The following RCN2 variants were observed in gnomAD, a reference collection of about 807,000 sequenced individuals.
RCN2 encodes the protein reticulocalbin-2.
Under a neutral mutation model 37.5 loss-of-function variants are expected in RCN2, and 23 were observed. The ratio of observed to expected loss-of-function variants is 0.61; its 90% CI spans 0.44 to 0.87. The LOEUF (loss-of-function observed/expected upper bound fraction) is 0.87. Among genes scored for constraint, RCN2 ranks in the 40% least tolerant of loss-of-function variants. The probability of loss-of-function intolerance (pLI) is 0.00; values close to 1 mark genes in which losing one functional copy is unlikely to be tolerated. For synonymous variants in RCN2, 140 were observed against 144.6 expected, an observed-to-expected ratio of 0.97 and a Z score of 0.23; for missense variants, 381 against 390.4, an observed-to-expected ratio of 0.98 and a Z score of 0.20.
At chr15:76,941,060 G>A (rs986194607) in intron 3 of RCN2, among the ~76,000 whole-genome samples, 2 of 152,028 alleles carry the variant, frequency 1.3e-5, no homozygotes, top group Non-Finnish European at 2.9e-5. Flanking sequence ...TTGAGACGGA[G>A]TCTTGCTCTG....
chr15:76,941,850 A>G, intron 3 of RCN2: 1 of 438,418 alleles, frequency 2.3e-6, no homozygotes, highest in East Asian at 3.3e-5. Flanking sequence ...TTCTCCTGAA[A>G]CATGGACCTT....
At chr15:76,938,005 A>G (rs1425128301) in intron 3 of RCN2, among the ~76,000 whole-genome samples, 1 of 152,232 alleles carries the variant, frequency 6.6e-6, no homozygotes, top group Non-Finnish European at 1.5e-5. Flanking sequence ...TACAGAGTAC[A>G]TGTGATATTT....
chr15:76,952,930 TTTTC>T lies in RCN2; in HGVS notation c.*3712_*3715del, dbSNP rs950503648. The T allele has an allele frequency of 2.0e-5, 3 of 149,066 alleles. No homozygotes were observed. Among genetic ancestry groups the T allele is most frequent in the African/African-American group, 7.5e-5 (3 of 40,116 alleles). The allele number at this position is 149,066 out of a possible 1,614,324, so 9.2% of individuals were successfully genotyped here. A position where few individuals can be genotyped will look rare whatever the true frequency, so the allele number is the denominator to read the frequency against. On this transcript the variant is annotated 3_prime_UTR_variant, in exon 7 of 7. Coordinates refer to ENST00000394885, the MANE Select transcript of RCN2 (RefSeq NM_002902.3). Reference sequence around the variant, plus strand: ...CACCGTGCCCAGCCTCCCATTCTAGTTTTCTTTTTCTTTCTTTTTTGAGACGGAG... The same window carrying T: ...CACCGTGCCCAGCCTCCCATTCTAGTTTTTTCTTTCTTTTTTGAGACGGAG...
chr15:76,935,042 C>T (rs1325256392), intron 2 of RCN2, among the ~76,000 whole-genome samples: 2 of 151,942 alleles, frequency 1.3e-5, no homozygotes, highest in South Asian at 2.1e-4. Flanking sequence ...ATGGAAGCTC[C>T]GGCCAGGCAT....
rs1462146831 is a variant in RCN2, at chr15:76,948,990, ACAAGT to A, written c.802-76_802-72del. The A allele has an allele frequency of 7.7e-6, 10 of 1,294,886 alleles. No homozygotes were observed. In the African/African-American group the frequency reaches 1.0e-4, roughly 14 times the overall value. 80.2% of individuals were successfully genotyped at this position (1,294,886 alleles called of 1,614,324 possible). On this transcript the variant is annotated intron_variant, in intron 6 of 6. Coordinates refer to ENST00000394885, the MANE Select transcript of RCN2 (RefSeq NM_002902.3). ...GTACTTGTACACCTGGATGATTTTG[ACAAGT>A]CAAATCACATTAAATTGTGAACATC...
At chr15:76,948,900 T>C (rs902036077) in intron 6 of RCN2, 170 bp from the exon 7 acceptor site, 25 of 646,118 alleles carry the variant, frequency 3.9e-5, no homozygotes, top group Non-Finnish European at 3.7e-5. Flanking sequence ...AAGGAGATAA[T>C]GGGAAAAGCA....
intron 3 of RCN2, chr15:76,941,429 C>A: frequency 2.5e-6 from 1 of 403,642 alleles, no homozygotes; most frequent in Non-Finnish European, 4.4e-6. Flanking sequence ...TATATTTCCT[C>A]ATGTAGAATC....
At chr15:76,946,069 A>G (rs1217452137) in intron 4 of RCN2, among the ~76,000 whole-genome samples, 3 of 152,258 alleles carry the variant, frequency 2.0e-5, no homozygotes, top group Non-Finnish European at 2.9e-5. Flanking sequence ...CCAGAGTTCT[A>G]TCTGGCAATT....
intron 3 of RCN2, chr15:76,941,787 C>T (rs554371273): frequency 2.1e-4 from 133 of 619,666 alleles, no homozygotes; most frequent in Non-Finnish European, 1.5e-5. Flanking sequence ...GAAATCTCAG[C>T]TTGTTGAAAG....
At chr15:76,947,384 T>C in intron 4 of RCN2, 37 bp from the exon 5 acceptor site, 1 of 1,369,876 alleles carries the variant, frequency 7.3e-7, no homozygotes, top group Non-Finnish European at 1.0e-6. Context: ...GAACATTTTG[T>C]AACTTTTTTT....
intron 3 of RCN2, among the ~76,000 whole-genome samples, chr15:76,940,290 C>A: frequency 6.7e-6 from 1 of 149,932 alleles, no homozygotes; most frequent in Non-Finnish European, 1.5e-5. Context: ...CATAGTGAAA[C>A]CTTGTCCCTT....
chr15:76,953,555 C>CTATT lies in RCN2; in HGVS notation c.*4336_*4337insTTAT, dbSNP rs2075331104. On this transcript the variant is annotated 3_prime_UTR_variant, in exon 7 of 7. Transcript: ENST00000394885. ...GGGATTGCTGGATCATATAGTAATTCTATATATATATATATATATATATAT... is the reference window on the plus strand; with the variant it reads ...GGGATTGCTGGATCATATAGTAATTCTATTTATATATATATATATATATATATAT... The CTATT allele has an allele frequency of 3.7e-5, 1 of 26,702 alleles. No homozygotes were observed. The highest frequency in any genetic ancestry group is 6.0e-5 in the Non-Finnish European group (1 of 16,804). 1.7% of individuals were successfully genotyped at this position (26,702 alleles called of 1,614,324 possible). A position where few individuals can be genotyped will look rare whatever the true frequency, so the allele number is the denominator to read the frequency against.
At position 76,931,808 on chromosome 15, in the gene RCN2, T is replaced by G; in HGVS notation, c.-34T>G. 8.3e-7 allele frequency: 1 copy of G among 1,200,022 alleles called. No individual in the cohort carries two copies. Among genetic ancestry groups the G allele is most frequent in the Non-Finnish European group, 1.0e-6 (1 of 967,998 alleles). 74.3% of individuals were successfully genotyped at this position (1,200,022 alleles called of 1,614,324 possible). Reference sequence around the variant, plus strand: ...CCCGGGCCCCCGCCAGCCTCCCTCCTCGCGTCCCTCGGTGTCCTCCGCGGG... The same window carrying G: ...CCCGGGCCCCCGCCAGCCTCCCTCCGCGCGTCCCTCGGTGTCCTCCGCGGG... On this transcript the variant is annotated 5_prime_UTR_variant, in exon 1 of 7. Coordinates refer to ENST00000394885, the MANE Select transcript of RCN2 (RefSeq NM_002902.3).
chr15:76,935,662 T>A lies in RCN2; in HGVS notation c.387T>A (p.Arg129=), dbSNP rs2075244124. Residue 129 remains arginine, a synonymous_variant, in exon 3 of 7, where the codon CGT becomes CGA. Coordinates refer to ENST00000394885, the MANE Select transcript of RCN2 (RefSeq NM_002902.3). ...AATATAACATTCAGATGTATGATCG[T>A]GTGATTGACTTTGATGAGAACACTG... The part of the protein sequence containing the change: ...WDEYNIQMYD[R]VIDFDENTAL... 4 of 1,613,982 alleles carry A rather than the reference T, an allele frequency of 2.5e-6. No homozygotes were observed. The South Asian group carries it at 4.4e-5, about 18-fold the overall frequency.
chr15:76,944,643 T>G (rs1596006029), intron 4 of RCN2, among the ~76,000 whole-genome samples: 1 of 152,242 alleles, frequency 6.6e-6, no homozygotes, highest in East Asian at 1.9e-4. Context: ...TGTGCCTGAC[T>G]TATTTCACTT....
intron 6 of RCN2, 189 bp from the exon 7 acceptor site, chr15:76,948,881 A>G: frequency 1.6e-6 from 1 of 613,962 alleles, no homozygotes; most frequent in Non-Finnish European, 2.8e-6. Context: ...AACCCAGCAG[A>G]AATGAAGAAA....
In RCN2 at chr15:76,946,967, G is replaced by A. The variant is rs189579465; in HGVS notation, c.562-454G>A. 2.5e-3 allele frequency among the ~76,000 whole-genome samples: 374 copies of A among 152,292 alleles called. 1 individual carries two copies. Among genetic ancestry groups the A allele is most frequent in the African/African-American group, 8.3e-3 (346 of 41,556 alleles). ...TGGCGGGCTGGTACATTTTAGATCT[G>A]GAGGCAGAACAGCAGTTCTAAGGTA... On this transcript the variant is annotated intron_variant, in intron 4 of 6. Transcript: ENST00000394885.
chr15:76,938,680 G>A (rs1431277547), intron 3 of RCN2: 3 of 451,958 alleles, frequency 6.6e-6, no homozygotes, highest in African/African-American at 2.0e-5. Context: ...AACTCTGTAA[G>A]CCACCACTAA....
chr15:76,941,124 C>T (rs2075275181), intron 3 of RCN2, among the ~76,000 whole-genome samples: 1 of 152,128 alleles, frequency 6.6e-6, no homozygotes, highest in Non-Finnish European at 1.5e-5. Flanking sequence ...ACCTCTTCCT[C>T]CCAGGTTCAA....
Sources: gnomAD v4.1 joint callset for allele counts (sites outside exome capture counted in the v4.1 genomes callset) on GRCh38, gnomAD v4.1.1 for gene constraint, MANE v1.5 for transcripts, NCBI Gene and HGNC (gene_info 2026-07-23, HGNC 2026-07-21) for gene names.